Variants in TBC1D9B observed in about 807,000 individuals in gnomAD.
TBC1D9B encodes the protein TBC1 domain family, member 9B (with GRAM domain).
A neutral mutation model predicts 121.1 loss-of-function variants in TBC1D9B; 87 were observed. The ratio of observed to expected loss-of-function variants is 0.72; its 90% CI spans 0.60 to 0.86. The LOEUF (loss-of-function observed/expected upper bound fraction) is 0.86, where lower values mean the gene tolerates loss of function less well. Ranked by LOEUF, TBC1D9B falls within the 40% of genes least tolerant of loss-of-function variation. The pLI, the probability that TBC1D9B is intolerant of heterozygous loss-of-function variation, is 0.00. For synonymous variants in TBC1D9B, 668 were observed against 670.1 expected (o/e 1.00, Z 0.05); for missense variants, 1,540 against 1,628.6 (o/e 0.95, Z 0.94).
chr5:179,862,636 T>C lies in TBC1D9B; in HGVS notation c.*812A>G, dbSNP rs903996236. The C allele has an allele frequency of 4.4e-6, 2 of 454,424 alleles. No individual in the cohort carries two copies. The highest frequency in any genetic ancestry group is 8.9e-6 in the Non-Finnish European group (2 of 224,986). 28.1% of individuals were successfully genotyped at this position (454,424 alleles called of 1,614,324 possible). A position where few individuals can be genotyped will look rare whatever the true frequency, so the allele number is the denominator to read the frequency against. ...CACCCACTGTGGAGGACTAAGTGTC[T>C]TGAACTTCCAGAACACAGCCAGGGC... On this transcript the variant is annotated 3_prime_UTR_variant, in exon 21 of 21. Transcript: ENST00000355235.
rs1348117461 is a variant in TBC1D9B, at chr5:179,865,281, C to T, written c.2994G>A (p.Thr998=). The T allele has an allele frequency of 1.4e-5, 23 of 1,614,058 alleles. No individual in the cohort carries two copies. Among genetic ancestry groups the T allele is most frequent in the East Asian group, 6.7e-5 (3 of 44,898 alleles). ...GGTTCATCTTGGGAAGATCCTTAAT[C>T]GTCTCCTTCTGAGCCTCTTTCTCCT... The part of the protein sequence containing the change: ...WAKEKEAQKE[T]IKDLPKMNQE... The change falls in exon 20 of 21, where the codon ACG becomes ACA. Residue 998 remains threonine, a synonymous_variant. Transcript: ENST00000355235. The surrounding 1 kb of genome is among the most constrained non-coding windows in gnomAD (Gnocchi z 5.1).
At position 179,878,538 on chromosome 5, in the gene TBC1D9B, G is replaced by T; in HGVS notation, c.1568-15C>A. 1 of 1,582,858 alleles carries T rather than the reference G, an allele frequency of 6.3e-7. No individual in the cohort carries two copies. Among genetic ancestry groups the T allele is most frequent in the Non-Finnish European group, 8.6e-7 (1 of 1,162,766 alleles). ...ATTCCAGGCCCCTGGGGAGACACGGGTGCCAGCTGTCTCTGTCCTTCTTCT... is the reference window on the plus strand; with the variant it reads ...ATTCCAGGCCCCTGGGGAGACACGGTTGCCAGCTGTCTCTGTCCTTCTTCT... On this transcript the variant is annotated splice_polypyrimidine_tract_variant and intron_variant, in intron 9 of 20. Transcript: ENST00000355235.
At chr5:179,872,553 G>T (rs1760235083) in intron 14 of TBC1D9B, 2 of 334,096 alleles carry the variant, frequency 6.0e-6, no homozygotes, top group Non-Finnish European at 1.1e-5. Flanking sequence ...GGTGTGCGGA[G>T]GATGGCGGCA....
chr5:179,873,110 G>T lies in TBC1D9B; in HGVS notation c.2316+9C>A, dbSNP rs761784529. ...CGGCCTGGCCAAAATGGCCCCACTG[G>T]GTGCTGACCTCATAGGACACTTTCA... On this transcript the variant is annotated intron_variant, in intron 13 of 20. Coordinates refer to ENST00000355235, the MANE Select transcript of TBC1D9B (RefSeq NM_015043.4). 2.5e-6 allele frequency: 4 copies of T among 1,610,122 alleles called. No homozygotes were observed. In the East Asian group the frequency reaches 8.9e-5, roughly 36 times the overall value.
At chr5:179,872,848 G>GCCCCCCCCCCCCCACCCCCCCC in intron 14 of TBC1D9B, 44 bp downstream of exon 14, 2 of 1,457,248 alleles carry the variant, frequency 1.4e-6, no homozygotes, top group Non-Finnish European at 1.9e-6. Flanking sequence ...AGGCACTGCT[G>GCCCCCCCCCCCCCACCCCCCCC]CCCCCCCAGC....
chr5:179,870,429 G>T lies in TBC1D9B; in HGVS notation c.2551C>A (p.Leu851Met), dbSNP rs909623992. The T allele has an allele frequency of 1.2e-6, 2 of 1,613,388 alleles. No individual in the cohort carries two copies. The highest frequency in any genetic ancestry group is 2.7e-5 in the African/African-American group (2 of 74,956). The change falls in exon 16 of 21, where the codon CTG becomes ATG. Residue 851 changes from leucine (L) to methionine (M), a missense_variant. Physicochemically the swap from Leu to Met is conservative, Grantham distance 15. Coordinates refer to ENST00000355235, the MANE Select transcript of TBC1D9B (RefSeq NM_015043.4). ...ATCCGGTACTGCTCCAGGTAGGGCA[G>T]GCTGGGGTCCCGACGGCCGGCCATT... ...RTMAGRRDPS[L>M]PYLEQYRIDA... is the part of the protein sequence containing the mutation.
At chr5:179,887,955 A>AG in intron 7 of TBC1D9B, 148 bp downstream of exon 7, 2 of 942,828 alleles carry the variant, frequency 2.1e-6, no homozygotes, top group Non-Finnish European at 3.3e-6. Flanking sequence ...GGTCTGGGCT[A>AG]GGGGTCTCTT....
rs1760328816 is a variant in TBC1D9B at position 179,875,256 on chromosome 5, G to A, written c.1901-69C>T. On this transcript the variant is annotated intron_variant, in intron 11 of 20. Transcript: ENST00000355235. The surrounding 1 kb of genome is among the most constrained non-coding windows in gnomAD (Gnocchi z 4.5). Reference sequence around the variant, plus strand: ...GCCTGGGTGGGCCCTCACCTGCAGCGTACGAGCCCTGGCCACTCCAGCCCT... The same window carrying A: ...GCCTGGGTGGGCCCTCACCTGCAGCATACGAGCCCTGGCCACTCCAGCCCT... The A allele has an allele frequency of 1.0e-5, 16 of 1,547,808 alleles. No individual in the cohort carries two copies. Among genetic ancestry groups the A allele is most frequent in the Middle Eastern group, 2.1e-4 (1 of 4,682 alleles).
At chr5:179,887,435 G>A (rs758682986) in intron 7 of TBC1D9B, among the ~76,000 whole-genome samples, 15 of 152,328 alleles carry the variant, frequency 9.8e-5, no homozygotes, top group Middle Eastern at 3.4e-3. Context: ...CGCCTGCAGC[G>A]GATGCAATCA....
intron 2 of TBC1D9B, among the ~76,000 whole-genome samples, chr5:179,901,890 T>A (rs535472428): frequency 9.8e-5 from 15 of 152,360 alleles, no homozygotes; most frequent in Admixed American, 2.6e-4. Context: ...AATAATATAA[T>A]AGCTAATTAG....
chr5:179,872,233 C>T (rs893018127), intron 14 of TBC1D9B: 1 of 157,436 alleles, frequency 6.4e-6, no homozygotes, highest in African/African-American at 2.4e-5. Flanking sequence ...GTGAGGGATA[C>T]TCATTTGGCT....
rs145060667 is a variant in TBC1D9B at position 179,883,285 on chromosome 5, A to G, written c.1255-3496T>C. ...CACTATACAAGTTCAAGCTTATTTT[A>G]TCAGTTTTCCTGAATCACAGTTTCT... On this transcript the variant is annotated intron_variant, in intron 7 of 20. Transcript: ENST00000355235. Among the ~76,000 whole-genome samples, 58 of 152,308 alleles carry G rather than the reference A, an allele frequency of 3.8e-4. 1 individual carries two copies. The East Asian group carries it at 0.011, about 28-fold the overall frequency.
rs756019909 is a variant in TBC1D9B at position 179,891,488 on chromosome 5, G to A, written c.935C>T (p.Thr312Met). ...LDGHTSCTLWTPFNKLHIPGQ... is the reference protein window; with the variant it reads ...LDGHTSCTLWMPFNKLHIPGQ... ...AGGGATGTGCAGCTTGTTGAACGGC[G>A]TCCACAGGGTGCAGCTTGTGTGGCC... The change falls in exon 6 of 21, where the codon ACG becomes ATG. Residue 312 changes from threonine (T) to methionine (M), a missense_variant. Transcript: ENST00000355235. This position sits in a 1 kb window ranked among gnomAD's most constrained non-coding sequence, Gnocchi z 4.3. The A allele has an allele frequency of 8.7e-6, 14 of 1,614,088 alleles. No individual in the cohort carries two copies. In the East Asian group the frequency reaches 1.1e-4, roughly 13 times the overall value.
intron 18 of TBC1D9B, chr5:179,867,371 G>A (rs967218381): frequency 1.4e-6 from 2 of 1,457,458 alleles, no homozygotes; most frequent in Non-Finnish European, 1.8e-6. Flanking sequence ...GGGACAAAGA[G>A]CTTCCAGGCT....
At position 179,874,408 on chromosome 5, in the gene TBC1D9B, G is replaced by T. The variant is rs1451140093; in HGVS notation, c.2186+494C>A. Among the ~76,000 whole-genome samples, 1 of 152,136 alleles carries T rather than the reference G, an allele frequency of 6.6e-6. No individual in the cohort carries two copies. Among genetic ancestry groups the T allele is most frequent in the East Asian group, 1.9e-4 (1 of 5,180 alleles). ...ATGTGGGGACTAAGGAGGGGGTGGAGGGGCTGGGATGACCCTGGACATTTG... is the reference window on the plus strand; with the variant it reads ...ATGTGGGGACTAAGGAGGGGGTGGATGGGCTGGGATGACCCTGGACATTTG... On this transcript the variant is annotated intron_variant, in intron 12 of 20. Transcript: ENST00000355235. This position sits in a 1 kb window ranked among gnomAD's most constrained non-coding sequence, Gnocchi z 4.3.
chr5:179,904,848 G>C lies in TBC1D9B; in HGVS notation c.119-36C>G, dbSNP rs1403464454. ...GGCAGAGAGACATAGAGGGTGAGGGGAGGGCCGGACTGAGGCCCCTGAAGG... is the reference window on the plus strand; with the variant it reads ...GGCAGAGAGACATAGAGGGTGAGGGCAGGGCCGGACTGAGGCCCCTGAAGG... On this transcript the variant is annotated intron_variant, in intron 1 of 20. Coordinates refer to ENST00000355235, the MANE Select transcript of TBC1D9B (RefSeq NM_015043.4). The surrounding 1 kb of genome is among the most constrained non-coding windows in gnomAD (Gnocchi z 4.2). 4.6e-6 allele frequency: 7 copies of C among 1,510,518 alleles called. No homozygotes were observed. In the South Asian group the frequency reaches 8.5e-5, roughly 18 times the overall value. 93.6% of individuals were successfully genotyped at this position (1,510,518 alleles called of 1,614,324 possible).
At chr5:179,876,155 T>G in intron 10 of TBC1D9B, 118 bp from the exon 11 acceptor site, 1 of 706,838 alleles carries the variant, frequency 1.4e-6, no homozygotes, top group South Asian at 2.2e-5. Flanking sequence ...CTTCTTTTTG[T>G]TGTTGTTATT....
intron 3 of TBC1D9B, among the ~76,000 whole-genome samples, chr5:179,896,010 C>T (rs1279736607): frequency 6.6e-6 from 1 of 152,218 alleles, no homozygotes; most frequent in Non-Finnish European, 1.5e-5. Flanking sequence ...TTCTAGATTC[C>T]TATCAGCCCA....
rs958048859 is a variant in TBC1D9B at position 179,888,287 on chromosome 5, C to G, written c.1070G>C (p.Ser357Thr). 6.2e-7 allele frequency: 1 copy of G among 1,610,108 alleles called. No individual in the cohort carries two copies. Among genetic ancestry groups the G allele is most frequent in the Non-Finnish European group, 8.5e-7 (1 of 1,179,036 alleles). ...CAGGGGGCTGGGCAGCACGCTGGAG[C>G]TGTCAGCTTTTTCGACAATGGTCAC... ...REVTIVEKAD[S>T]SSVLPSPLSI... Residue 357 changes from serine to threonine, a missense_variant, in exon 7 of 21, where the codon AGC becomes ACC. Physicochemically the swap from Ser to Thr is moderately conservative, Grantham distance 58. Coordinates refer to ENST00000355235, the MANE Select transcript of TBC1D9B (RefSeq NM_015043.4).
Sources: gnomAD v4.1 joint callset for allele counts (sites outside exome capture counted in the v4.1 genomes callset) on GRCh38, gnomAD v4.1.1 for gene constraint, Gnocchi (gnomAD v3.1) non-coding constraint, MANE v1.5 for transcripts, NCBI Gene and HGNC (gene_info 2026-07-23, HGNC 2026-07-21) for gene names.